Variants in SAMD12 observed in about 807,000 individuals in gnomAD.
SAMD12 encodes sterile alpha motif domain-containing protein 12.
In SAMD12, 9 loss-of-function variants were observed where a neutral mutation model predicts 15.0. That is an observed-to-expected ratio of 0.60 (90% CI 0.36 to 1.05). The LOEUF (loss-of-function observed/expected upper bound fraction) is 1.05, where lower values mean the gene tolerates loss of function less well. SAMD12 is among the 50% of genes least tolerant of loss of function. The pLI, the probability that SAMD12 is intolerant of heterozygous loss-of-function variation, is 0.01. For synonymous variants in SAMD12, 86 were observed against 90.1 expected (o/e 0.96, Z 0.25); for missense variants, 230 against 234.2 (o/e 0.98, Z 0.12).
At chr8:118,266,268 G>A (rs1813196847) in intron 4 of SAMD12, among the ~76,000 whole-genome samples, 1 of 152,070 alleles carries the variant, frequency 6.6e-6, no homozygotes, top group African/African-American at 2.4e-5. Context: ...ATGAAATTTG[G>A]GTGGGGACAC....
intron 4 of SAMD12, among the ~76,000 whole-genome samples, chr8:118,369,164 T>C (rs1460790456): frequency 6.6e-6 from 1 of 152,186 alleles, no homozygotes; most frequent in East Asian, 1.9e-4. Flanking sequence ...ACAGTATTAT[T>C]AGTCTGAACA....
intron 2 of SAMD12, among the ~76,000 whole-genome samples, chr8:118,503,137 T>C (rs1157997763): frequency 6.6e-6 from 1 of 152,332 alleles, no homozygotes; most frequent in Non-Finnish European, 1.5e-5. Context: ...GAAAAAATTA[T>C]GCGAACATTA....
Position 118,354,259 on chromosome 8 carries a change from A to C in SAMD12, c.433+25301T>G, listed in dbSNP as rs192216814. 4.2e-3 allele frequency among the ~76,000 whole-genome samples: 635 copies of C among 152,354 alleles called. 2 individuals carry two copies. Among genetic ancestry groups the C allele is most frequent in the Non-Finnish European group, 4.9e-3 (332 of 68,036 alleles). The stretch of plus-strand genomic sequence containing the variant: ...CACTATGCAACCACTATTCCAAATA[A>C]TGAGAGGTTTGGTGCTAGTAAAATA... On this transcript the variant is annotated intron_variant, in intron 4 of 4. Coordinates refer to the SAMD12 transcript ENST00000409003.
intron 1 of SAMD12, among the ~76,000 whole-genome samples, chr8:118,582,908 T>C (rs1271448551): frequency 1.3e-5 from 2 of 152,080 alleles, no homozygotes; most frequent in African/African-American, 4.8e-5. Flanking sequence ...ACTGTGCTTT[T>C]TTTTTTTTCT....
At chr8:118,532,002 C>T (rs957586042) in intron 2 of SAMD12, among the ~76,000 whole-genome samples, 8 of 152,232 alleles carry the variant, frequency 5.3e-5, no homozygotes, top group East Asian at 1.9e-4. Flanking sequence ...CCCTGTCTTG[C>T]GCCCGTTTTC....
the SAMD12 span, among the ~76,000 whole-genome samples, chr8:118,181,915 G>A: frequency 6.6e-6 from 1 of 152,196 alleles, no homozygotes; most frequent in Admixed American, 6.5e-5. Context: ...GAGGGCTTTA[G>A]TCATGAGCAC....
intron 4 of SAMD12, among the ~76,000 whole-genome samples, chr8:118,302,138 G>A (rs936866831): frequency 7.7e-6 from 1 of 129,596 alleles, no homozygotes; most frequent in African/African-American, 3.0e-5. Context: ...GGACCAAAGA[G>A]AGAAAAATTA....
intron 4 of SAMD12, among the ~76,000 whole-genome samples, chr8:118,328,209 G>A (rs73323659): frequency 0.027 from 4,166 of 152,140 alleles, 171 homozygotes; most frequent in African/African-American, 0.093. Flanking sequence ...GTAGCTTTAT[G>A]AGAGGTTACA....
intron 3 of SAMD12, among the ~76,000 whole-genome samples, chr8:118,394,125 C>T (rs919438522): frequency 2.4e-4 from 37 of 152,194 alleles, no homozygotes; most frequent in African/African-American, 8.4e-4. Flanking sequence ...CATCATGTTC[C>T]CTTTGCTCCT....
intron 4 of SAMD12, among the ~76,000 whole-genome samples, chr8:118,239,269 T>C (rs1202635210): frequency 6.6e-6 from 1 of 152,164 alleles, no homozygotes; most frequent in Non-Finnish European, 1.5e-5. Context: ...ATCTTCTCTT[T>C]GTTAGGCACT....
chr8:118,261,032 G>A (rs1813064254), intron 4 of SAMD12, among the ~76,000 whole-genome samples: 1 of 152,062 alleles, frequency 6.6e-6, no homozygotes, highest in Non-Finnish European at 1.5e-5. Context: ...GCCTGGCCCA[G>A]GGAAGATGCT....
intron 2 of SAMD12, among the ~76,000 whole-genome samples, chr8:118,547,695 T>C (rs1251380573): frequency 6.6e-6 from 1 of 152,204 alleles, no homozygotes; most frequent in East Asian, 1.9e-4. Flanking sequence ...ATTATTATAG[T>C]ATACATCCCA....
At chr8:118,556,015 AAAG>A (rs1826518916) in intron 2 of SAMD12, among the ~76,000 whole-genome samples, 1 of 152,192 alleles carries the variant, frequency 6.6e-6, no homozygotes, top group African/African-American at 2.4e-5. Flanking sequence ...GGCTTAGAAA[AAAG>A]AAGAGGAATA....
chr8:118,321,796 A>T (rs188260476), intron 4 of SAMD12, among the ~76,000 whole-genome samples: 31 of 152,178 alleles, frequency 2.0e-4, no homozygotes, highest in Non-Finnish European at 2.4e-4. Context: ...TAACCATTTA[A>T]TTTCCTTATG....
rs766251782 is a variant in SAMD12, at chr8:118,211,263, C to T, written c.434-13531G>A. ...AGCATAGTCTCCTAAACTAAACAAA[C>T]GTAAGATAAATAATGAAGGACTGTA... On this transcript the variant is annotated intron_variant, in intron 4 of 4. Coordinates refer to the SAMD12 transcript ENST00000409003. Among the ~76,000 whole-genome samples, 39 of 152,102 alleles carry T rather than the reference C, an allele frequency of 2.6e-4. 1 individual carries two copies. Among genetic ancestry groups the T allele is most frequent in the Middle Eastern group, 3.2e-3 (1 of 316 alleles).
intron 4 of SAMD12, among the ~76,000 whole-genome samples, chr8:118,370,387 A>G (rs547544346): frequency 6.2e-4 from 94 of 152,292 alleles, no homozygotes; most frequent in African/African-American, 2.1e-3. Context: ...GATTCCTCAA[A>G]GACCTGGAAC....
chr8:118,233,131 G>C (rs1480647916), intron 4 of SAMD12, among the ~76,000 whole-genome samples: 1 of 152,082 alleles, frequency 6.6e-6, no homozygotes. Flanking sequence ...ATTCAGTGAA[G>C]TCTCAATGTA....
intron 2 of SAMD12, among the ~76,000 whole-genome samples, chr8:118,546,852 C>T (rs1381872890): frequency 1.3e-5 from 2 of 152,162 alleles, no homozygotes; most frequent in African/African-American, 4.8e-5. Flanking sequence ...TGGAAGAGAA[C>T]AGAAGGCCAC....
chr8:118,354,029 T>C (rs1563788514), intron 4 of SAMD12, among the ~76,000 whole-genome samples: 1 of 152,218 alleles, frequency 6.6e-6, no homozygotes, highest in Non-Finnish European at 1.5e-5. Context: ...TCCCACACTT[T>C]TGCCACTTAG....
Sources: allele counts gnomAD v4.1 joint callset (sites outside exome capture counted in the v4.1 genomes callset), GRCh38; gene constraint gnomAD v4.1.1; transcripts MANE v1.5; gene names NCBI Gene and HGNC (gene_info 2026-07-23, HGNC 2026-07-21).